Variants in NMT2 observed in about 807,000 individuals in gnomAD.
NMT2 encodes glycylpeptide N-tetradecanoyltransferase 2.
Under a neutral mutation model 65.4 loss-of-function variants are expected in NMT2, and 35 were observed. The observed-to-expected ratio is 0.54, with a 90% CI of 0.41 to 0.71. NMT2 has a LOEUF of 0.71. Ranked by LOEUF, NMT2 falls within the 30% of genes least tolerant of loss-of-function variation. NMT2 has a pLI of 0.00. For missense variants in NMT2, 489 were observed against 611.3 expected, an observed-to-expected ratio of 0.80 and a Z score of 2.11; for synonymous variants, 226 against 231.8, an observed-to-expected ratio of 0.98 and a Z score of 0.23.
intron 9 of NMT2, among the ~76,000 whole-genome samples, chr10:15,117,219 T>C (rs72776103): frequency 0.05 from 7,642 of 152,306 alleles, 255 homozygotes; most frequent in East Asian, 0.092. Flanking sequence ...GGATATTTTC[T>C]AGGAATGTAA....
In NMT2 at chr10:15,107,792, C is replaced by A. The variant is rs1845356747; in HGVS notation, c.*1403G>T. On this transcript the variant is annotated 3_prime_UTR_variant, in exon 12 of 12. Transcript: ENST00000378165. ...TTGTGGTATCTGAGTTGAGGCCAGG[C>A]TACGTGGCCTCGGTTAGCATCTTAT... The A allele has an allele frequency of 1.0e-6, 1 of 985,670 alleles. No individual in the cohort carries two copies. The allele number at this position is 985,670 out of a possible 1,614,324, so 61.1% of individuals were successfully genotyped here.
intron 9 of NMT2, among the ~76,000 whole-genome samples, chr10:15,117,688 GCA>G (rs1845789641): frequency 6.6e-6 from 1 of 151,450 alleles, no homozygotes; most frequent in Non-Finnish European, 1.5e-5. Context: ...AGTGATTTCA[GCA>G]CTGTGGTAGG....
chr10:15,167,086 CAT>C (rs1377004283), intron 1 of NMT2, among the ~76,000 whole-genome samples: 1 of 152,190 alleles, frequency 6.6e-6, no homozygotes, highest in Non-Finnish European at 1.5e-5. Flanking sequence ...GTTTCAAAAA[CAT>C]ATTTGTATTT....
intron 8 of NMT2, among the ~76,000 whole-genome samples, chr10:15,122,371 C>T (rs928597189): frequency 4.3e-4 from 65 of 152,224 alleles, no homozygotes; most frequent in Non-Finnish European, 6.6e-4. Flanking sequence ...CCCAGCAGAT[C>T]GCCTTAAAGC....
intron 1 of NMT2, among the ~76,000 whole-genome samples, chr10:15,148,741 G>A (rs967314087): frequency 4.6e-5 from 7 of 151,886 alleles, no homozygotes; most frequent in Admixed American, 1.3e-4. Context: ...TCCTAGCACC[G>A]AAAATAGTGT....
At chr10:15,126,584 C>G (rs544831457) in intron 8 of NMT2, among the ~76,000 whole-genome samples, 1 of 152,308 alleles carries the variant, frequency 6.6e-6, no homozygotes, top group Admixed American at 6.5e-5. Context: ...GTGAGCTACC[C>G]TATGGAGAAT....
chr10:15,154,856 C>A, intron 1 of NMT2: 1 of 784,874 alleles, frequency 1.3e-6, no homozygotes, highest in South Asian at 1.3e-5. Context: ...CATTCTTGGA[C>A]CCATAGCGCT....
intron 8 of NMT2, among the ~76,000 whole-genome samples, chr10:15,126,642 A>G (rs1438832095): frequency 6.6e-6 from 1 of 152,138 alleles, no homozygotes; most frequent in Non-Finnish European, 1.5e-5. Context: ...CCAGTGAGGA[A>G]CTCAATCCTG....
At chr10:15,143,799 G>A (rs1051407454) in intron 1 of NMT2, among the ~76,000 whole-genome samples, 2 of 152,138 alleles carry the variant, frequency 1.3e-5, no homozygotes, top group African/African-American at 4.8e-5. Context: ...AGGCTGCAGT[G>A]AGCCATGATC....
intron 8 of NMT2, among the ~76,000 whole-genome samples, chr10:15,125,286 C>T (rs941092351): frequency 1.3e-5 from 2 of 152,204 alleles, no homozygotes; most frequent in Non-Finnish European, 2.9e-5. Flanking sequence ...TGGAACAGGA[C>T]TGCTACCAGG....
intron 1 of NMT2, among the ~76,000 whole-genome samples, chr10:15,168,110 AC>A (rs1394973749): frequency 6.6e-6 from 1 of 151,896 alleles, no homozygotes; most frequent in Admixed American, 6.5e-5. Flanking sequence ...GCGACCTCCT[AC>A]CCCAGGCTGC....
In NMT2 at chr10:15,106,023, C is replaced by A; in HGVS notation, c.*3172G>T. On this transcript the variant is annotated 3_prime_UTR_variant, in exon 12 of 12. Transcript: ENST00000378165. ...ATTTATTTTACTTTCGAGATAGAGT[C>A]TCACTCTGTTGCCCAGGCTGGAGTG... 2.4e-6 allele frequency: 1 copy of A among 412,994 alleles called. No individual in the cohort carries two copies. The highest frequency in any genetic ancestry group is 4.7e-6 in the Non-Finnish European group (1 of 210,666). The allele number at this position is 412,994 out of a possible 1,614,324, so 25.6% of individuals were successfully genotyped here.
chr10:15,168,573 G>A lies in NMT2; in HGVS notation c.40C>T (p.Leu14=), dbSNP rs771553975. Reference sequence around the variant, plus strand: ...CACGTGTCCTGGTCGTCCAGTTCCAGGCTCTGCTGGCTGGCCGCAGACTCG... The same window carrying A: ...CACGTGTCCTGGTCGTCCAGTTCCAAGCTCTGCTGGCTGGCCGCAGACTCG... ...DSESAASQQS[L]ELDDQDTCGI... The change falls in exon 1 of 12, where the codon CTG becomes TTG. Residue 14 remains leucine, a synonymous_variant. Coordinates refer to ENST00000378165, the MANE Select transcript of NMT2 (RefSeq NM_004808.3). 2 of 1,589,400 alleles carry A rather than the reference G, an allele frequency of 1.3e-6. No individual in the cohort carries two copies. The highest frequency in any genetic ancestry group is 3.4e-5 in the Admixed American group (2 of 58,518).
intron 1 of NMT2, among the ~76,000 whole-genome samples, chr10:15,146,858 C>T (rs1846982109): frequency 6.6e-6 from 1 of 151,838 alleles, no homozygotes; most frequent in Admixed American, 6.6e-5. Flanking sequence ...TTTGGGAGGC[C>T]AAAGAGGGAG....
chr10:15,131,398 A>G (rs1846282022), intron 6 of NMT2, among the ~76,000 whole-genome samples: 1 of 149,118 alleles, frequency 6.7e-6, no homozygotes, highest in South Asian at 2.1e-4. Context: ...CAATCCTCCC[A>G]TCTCAGCCTC....
Position 15,112,884 on chromosome 10 carries a change from C to T in NMT2, c.1250G>A (p.Ser417Asn), listed in dbSNP as rs1402721995. ...STVMHHPAHK[S>N]LKAAYSFYNI... ...GTAGAATGAGTAGGCGGCTTTGAGG[C>T]TCTTGTGAGCAGGGTGGTGCATCAC... The change falls in exon 10 of 12, where the codon AGC (serine) becomes AAC (asparagine). Residue 417 changes from serine to asparagine, a missense_variant. Coordinates refer to ENST00000378165, the MANE Select transcript of NMT2 (RefSeq NM_004808.3). The T allele has an allele frequency of 6.2e-7, 1 of 1,614,056 alleles. No individual in the cohort carries two copies.
intron 2 of NMT2, among the ~76,000 whole-genome samples, chr10:15,140,229 C>T (rs1846695534): frequency 6.6e-6 from 1 of 152,044 alleles, no homozygotes; most frequent in Non-Finnish European, 1.5e-5. Context: ...CTCAAGCTAT[C>T]CTCCCACCTC....
At chr10:15,123,531 G>GAAAAAAA (rs775699014) in intron 8 of NMT2, among the ~76,000 whole-genome samples, 2 of 52,526 alleles carry the variant, frequency 3.8e-5, no homozygotes, top group African/African-American at 5.9e-5. Context: ...TCGTCTCACA[G>GAAAAAAA]AAAAAAAAAA....
At chr10:15,158,149 C>G (rs890833412) in intron 1 of NMT2, among the ~76,000 whole-genome samples, 1 of 152,008 alleles carries the variant, frequency 6.6e-6, no homozygotes, top group Non-Finnish European at 1.5e-5. Flanking sequence ...AAATCCATTT[C>G]TACTAAAAAT....
Sources: allele counts gnomAD v4.1 joint callset (sites outside exome capture counted in the v4.1 genomes callset), GRCh38; gene constraint gnomAD v4.1.1; transcripts MANE v1.5; gene names NCBI Gene and HGNC (gene_info 2026-07-23, HGNC 2026-07-21).